The following SUGCT variants were observed in gnomAD, a reference collection of about 807,000 sequenced individuals.
The protein encoded by SUGCT is succinyl-CoA:glutarate-CoA transferase, also known as succinyl-CoA:glutarate CoA-transferase.
A neutral mutation model predicts 55.0 loss-of-function variants in SUGCT; 41 were observed. The observed-to-expected ratio is 0.74, with a 90% CI of 0.58 to 0.97. SUGCT has a LOEUF of 0.97. Among genes scored for constraint, SUGCT ranks in the 50% least tolerant of loss-of-function variants. The pLI, the probability that SUGCT is intolerant of heterozygous loss-of-function variation, is 0.00. For synonymous variants in SUGCT, 187 were observed against 200.4 expected, an observed-to-expected ratio of 0.93 and a Z score of 0.56; for missense variants, 568 against 547.8, an observed-to-expected ratio of 1.04 and a Z score of -0.37.
In SUGCT at chr7:40,141,760, A is replaced by G. The variant is rs975995126; in HGVS notation, c.100+6640A>G. ...TCTGACTCCAGTAGCCCATGTTATA[A>G]ATAAAGGTTTGGTGCCACAAAAGAA... On this transcript the variant is annotated intron_variant, in intron 1 of 13. Coordinates refer to ENST00000335693, the MANE Select transcript of SUGCT (RefSeq NM_001193313.2). 9.9e-6 allele frequency: 3 copies of G among 302,534 alleles called. No homozygotes were observed. The Admixed American group carries it at 1.0e-4, about 10-fold the overall frequency. The allele number at this position is 302,534 out of a possible 1,614,324, so 18.7% of individuals were successfully genotyped here.
At chr7:41,003,211 A>T in the SUGCT span, among the ~76,000 whole-genome samples, 1 of 152,114 alleles carries the variant, frequency 6.6e-6, no homozygotes, top group African/African-American at 2.4e-5. Context: ...ATTGCTGAGA[A>T]CTGTGTTGCC....
intron 8 of SUGCT, among the ~76,000 whole-genome samples, chr7:40,283,818 C>G (rs1170162977): frequency 6.6e-6 from 1 of 152,078 alleles, no homozygotes; most frequent in Non-Finnish European, 1.5e-5. Flanking sequence ...AATCCCACTT[C>G]TGAGAATATA....
chr7:40,474,736 GA>G (rs1790569294), intron 11 of SUGCT, among the ~76,000 whole-genome samples: 1 of 152,154 alleles, frequency 6.6e-6, no homozygotes, highest in Admixed American at 6.6e-5. Context: ...ATTGAAGCTT[GA>G]ATCAAACTGC....
intron 13 of SUGCT, among the ~76,000 whole-genome samples, chr7:40,810,691 A>G (rs1226319677): frequency 6.6e-6 from 1 of 152,120 alleles, no homozygotes; most frequent in African/African-American, 2.4e-5. Flanking sequence ...TAGTATGTGA[A>G]TATTTTCTCC....
At chr7:41,033,628 TG>T in the SUGCT span, among the ~76,000 whole-genome samples, 1 of 152,142 alleles carries the variant, frequency 6.6e-6, no homozygotes, top group Admixed American at 6.5e-5. Flanking sequence ...TGCATGCAAA[TG>T]TGCACATGCA....
At chr7:40,663,660 C>G (rs918049585) in intron 12 of SUGCT, among the ~76,000 whole-genome samples, 2 of 152,080 alleles carry the variant, frequency 1.3e-5, no homozygotes, top group Non-Finnish European at 2.9e-5. Flanking sequence ...CTCTGCCCAC[C>G]TGCTGGTTGT....
chr7:40,265,164 A>G (rs896478843), intron 7 of SUGCT, among the ~76,000 whole-genome samples: 1 of 152,230 alleles, frequency 6.6e-6, no homozygotes, highest in African/African-American at 2.4e-5. Context: ...TTACATTTGT[A>G]TAACGAATGA....
At chr7:40,240,864 G>A (rs1267628368) in intron 7 of SUGCT, among the ~76,000 whole-genome samples, 1 of 152,152 alleles carries the variant, frequency 6.6e-6, no homozygotes. Flanking sequence ...ATCTCTGAGG[G>A]CATATATTTA....
chr7:40,383,990 G>T (rs1456184115), intron 9 of SUGCT, among the ~76,000 whole-genome samples: 2 of 152,148 alleles, frequency 1.3e-5, no homozygotes, highest in Non-Finnish European at 2.9e-5. Flanking sequence ...TCCTTTGGAT[G>T]TTAATCCAAC....
At chr7:40,700,066 G>A (rs532039340) in intron 12 of SUGCT, among the ~76,000 whole-genome samples, 85 of 152,188 alleles carry the variant, frequency 5.6e-4, no homozygotes, top group African/African-American at 2.0e-3. Flanking sequence ...TGTGTCTCTT[G>A]ATTTACAGAG....
intron 12 of SUGCT, among the ~76,000 whole-genome samples, chr7:40,583,900 C>T (rs556688090): frequency 2.0e-5 from 3 of 152,222 alleles, no homozygotes; most frequent in South Asian, 2.1e-4. Flanking sequence ...TGCTGAAACA[C>T]GAGGGAATTT....
At chr7:40,531,744 G>C (rs1340054226) in intron 12 of SUGCT, among the ~76,000 whole-genome samples, 7 of 151,998 alleles carry the variant, frequency 4.6e-5, no homozygotes, top group Admixed American at 1.3e-4. Flanking sequence ...CACGATCTCG[G>C]CTCACTGTAA....
chr7:40,992,797 C>A, the SUGCT span, among the ~76,000 whole-genome samples: 1 of 152,306 alleles, frequency 6.6e-6, no homozygotes, highest in African/African-American at 2.4e-5. Flanking sequence ...ACCTCAGTTT[C>A]AGTACCTGTA....
intron 6 of SUGCT, among the ~76,000 whole-genome samples, chr7:40,228,379 A>C (rs1041189624): frequency 2.0e-5 from 3 of 151,886 alleles, no homozygotes; most frequent in African/African-American, 7.3e-5. Flanking sequence ...TTTTTCTTGA[A>C]ATTTGTTTAA....
chr7:40,788,127 C>G (rs1790122710), intron 13 of SUGCT, among the ~76,000 whole-genome samples: 2 of 152,126 alleles, frequency 1.3e-5, no homozygotes, highest in African/African-American at 2.4e-5. Flanking sequence ...GAAGTTCCAC[C>G]CCTGCCCAGT....
At chr7:40,998,811 C>T in the SUGCT span, among the ~76,000 whole-genome samples, 1 of 152,210 alleles carries the variant, frequency 6.6e-6, no homozygotes, top group Non-Finnish European at 1.5e-5. Context: ...TTTCACTGCG[C>T]CCCTAATGAC....
At chr7:40,815,304 C>T (rs1341919697) in intron 13 of SUGCT, among the ~76,000 whole-genome samples, 4 of 152,216 alleles carry the variant, frequency 2.6e-5, no homozygotes, top group Non-Finnish European at 5.9e-5. Context: ...AGAGGTGTGC[C>T]TAGGCATGGT....
chr7:40,140,503 C>T (rs188184440), intron 1 of SUGCT, among the ~76,000 whole-genome samples: 16 of 152,262 alleles, frequency 1.1e-4, no homozygotes, highest in African/African-American at 2.9e-4. Flanking sequence ...CGGGTTCAAG[C>T]GATTGTCCTG....
the SUGCT span, among the ~76,000 whole-genome samples, chr7:40,930,270 A>G: frequency 6.6e-6 from 1 of 152,118 alleles, no homozygotes; most frequent in Non-Finnish European, 1.5e-5. Flanking sequence ...GTTCTGTTCC[A>G]TTGGTCTGTA....
Sources: allele counts gnomAD v4.1 joint callset (sites outside exome capture counted in the v4.1 genomes callset), GRCh38; gene constraint gnomAD v4.1.1; transcripts MANE v1.5; gene names NCBI Gene and HGNC (gene_info 2026-07-23, HGNC 2026-07-21).